CDH12: variants seen among roughly 807,000 people sequenced by gnomAD.
CDH12 encodes cadherin-12.
CDH12 carries 41 observed loss-of-function variants against 74.1 expected under a neutral mutation model. The observed-to-expected ratio is 0.55, with a 90% confidence interval of 0.43 to 0.72. CDH12 has a LOEUF of 0.72. Ranked by LOEUF, CDH12 falls within the 30% of genes least tolerant of loss-of-function variation. The probability of loss-of-function intolerance (pLI) is 0.00; values close to 1 mark genes in which losing one functional copy is unlikely to be tolerated. For missense variants in CDH12, 945 were observed against 977.2 expected (o/e 0.97, Z 0.44); for synonymous variants, 399 against 355.0 (o/e 1.12, Z -1.39).
chr5:22,706,135 C>T (rs925792748), intron 1 of CDH12, among the ~76,000 whole-genome samples: 18 of 152,070 alleles, frequency 1.2e-4, no homozygotes, highest in Admixed American at 5.2e-4. Flanking sequence ...TGGCTCTCAT[C>T]ACTTATTTCT....
chr5:21,790,288 T>C (rs1746417510), intron 10 of CDH12, among the ~76,000 whole-genome samples: 1 of 152,154 alleles, frequency 6.6e-6, no homozygotes, highest in Non-Finnish European at 1.5e-5. Context: ...AGTTTAAAAT[T>C]CAAAGACTTA....
chr5:21,778,614 C>T (rs1745737765), intron 11 of CDH12, among the ~76,000 whole-genome samples: 1 of 150,152 alleles, frequency 6.7e-6, no homozygotes, highest in South Asian at 2.1e-4. Flanking sequence ...TGACAGTTCA[C>T]TTAAATCTAA....
At chr5:22,102,377 G>A (rs114553709) in intron 4 of CDH12, among the ~76,000 whole-genome samples, 2 of 152,044 alleles carry the variant, frequency 1.3e-5, no homozygotes, top group South Asian at 2.1e-4. Context: ...TGTTGAAAAC[G>A]TAATCCCCTG....
At position 21,760,639 on chromosome 5, in the gene CDH12, A is replaced by G. The variant is rs1579649928; in HGVS notation, c.1552T>C (p.Ser518Pro). 1 of 1,609,544 alleles carries G rather than the reference A, an allele frequency of 6.2e-7. No homozygotes were observed. The highest frequency in any genetic ancestry group is 2.2e-5 in the East Asian group (1 of 44,706). ...AAGGAGAATTGTTGCCCAGCAGGTG[A>G]AAGATCTCGGTCTGCAGCACTGACT... ...QIVSAADRDL[S>P]PAGQQFSFRL... The change falls in exon 13 of 15, where the codon TCA becomes CCA. Residue 518 changes from serine (S) to proline (P), a missense_variant. Coordinates refer to ENST00000382254, the MANE Select transcript of CDH12 (RefSeq NM_004061.5).
chr5:22,413,032 A>G (rs1003128166), intron 2 of CDH12, among the ~76,000 whole-genome samples: 2 of 152,002 alleles, frequency 1.3e-5, no homozygotes, highest in Non-Finnish European at 2.9e-5. Flanking sequence ...TTCATTCACA[A>G]TAACTCTTGT....
At position 21,989,512 on chromosome 5, in the gene CDH12, C is replaced by T. The variant is rs191202175; in HGVS notation, c.232-14127G>A. ...TGACTAAAAGTAGATGACATCTTTC[C>T]CCAACCATGAGTCCTCAGGTTGTTA... On this transcript the variant is annotated intron_variant, in intron 5 of 14. Coordinates refer to ENST00000382254, the MANE Select transcript of CDH12 (RefSeq NM_004061.5). Among the ~76,000 whole-genome samples, 535 of 152,186 alleles carry T rather than the reference C, an allele frequency of 3.5e-3. 4 individuals are homozygous for T. The highest frequency in any genetic ancestry group is 0.012 in the African/African-American group (500 of 41,500).
At chr5:22,717,358 A>G (rs189142011) in intron 1 of CDH12, among the ~76,000 whole-genome samples, 25 of 152,320 alleles carry the variant, frequency 1.6e-4, no homozygotes, top group Admixed American at 9.8e-4. Flanking sequence ...AAAATCCTGC[A>G]TAGATCAGTA....
intron 5 of CDH12, among the ~76,000 whole-genome samples, chr5:22,051,505 C>T (rs1580172078): frequency 6.6e-6 from 1 of 152,192 alleles, no homozygotes; most frequent in South Asian, 2.1e-4. Flanking sequence ...ATCAATATGG[C>T]TAATTTCAAA....
At chr5:22,517,913 A>G (rs1736873688) in intron 1 of CDH12, among the ~76,000 whole-genome samples, 1 of 152,170 alleles carries the variant, frequency 6.6e-6, no homozygotes, top group African/African-American at 2.4e-5. Context: ...TAATACATTA[A>G]TGGATTACAA....
intron 6 of CDH12, among the ~76,000 whole-genome samples, chr5:21,958,135 C>A (rs189255981): frequency 2.3e-4 from 35 of 152,244 alleles, no homozygotes; most frequent in Admixed American, 6.5e-4. Flanking sequence ...CTCCTTCCTG[C>A]CGCTTTGTGA....
At position 22,030,331 on chromosome 5, in the gene CDH12, C is replaced by T. The variant is rs565532612; in HGVS notation, c.231+48115G>A. On this transcript the variant is annotated intron_variant, in intron 5 of 14. Coordinates refer to ENST00000382254, the MANE Select transcript of CDH12 (RefSeq NM_004061.5). ...TGAGACTTGAAAGTTGAAATTACTC[C>T]TTGATGCATGGACTGCAGAATGAAT... Among the ~76,000 whole-genome samples, 19 of 152,138 alleles carry T rather than the reference C, an allele frequency of 1.2e-4. No individual in the cohort carries two copies. The South Asian group carries it at 2.9e-3, about 23-fold the overall frequency.
chr5:22,287,595 C>A (rs940517944), intron 3 of CDH12, among the ~76,000 whole-genome samples: 1 of 151,442 alleles, frequency 6.6e-6, no homozygotes, highest in African/African-American at 2.4e-5. Context: ...CGGTGGCGGG[C>A]GCCTGTAGTC....
At chr5:22,076,161 C>T (rs1401217818) in intron 5 of CDH12, among the ~76,000 whole-genome samples, 1 of 152,010 alleles carries the variant, frequency 6.6e-6, no homozygotes, top group African/African-American at 2.4e-5. Context: ...CCTGTACCAG[C>T]GGAAATAATG....
intron 4 of CDH12, among the ~76,000 whole-genome samples, chr5:22,207,203 A>G (rs1751269543): frequency 6.9e-6 from 1 of 144,144 alleles, no homozygotes; most frequent in Admixed American, 7.2e-5. Flanking sequence ...TGGGCGACAG[A>G]GCAAGACTGT....
intron 3 of CDH12, among the ~76,000 whole-genome samples, chr5:22,384,652 A>G (rs1226909864): frequency 6.6e-6 from 1 of 152,172 alleles, no homozygotes; most frequent in Non-Finnish European, 1.5e-5. Flanking sequence ...AACAACAGCT[A>G]GACTATTAGA....
rs186960540 is a variant in CDH12 at position 22,522,031 on chromosome 5, G to C, written c.-522-16667C>G. ...TAATTAATGTGGTATGTCATTAAGC[G>C]TATCAGGAAAGTTTTATGTTTCTGA... On this transcript the variant is annotated intron_variant, in intron 1 of 14. Transcript: ENST00000382254. 3.9e-5 allele frequency among the ~76,000 whole-genome samples: 6 copies of C among 152,244 alleles called. No homozygotes were observed. The East Asian group carries it at 1.2e-3, about 29-fold the overall frequency.
chr5:22,293,680 T>C (rs1200047338), intron 3 of CDH12, among the ~76,000 whole-genome samples: 2 of 152,138 alleles, frequency 1.3e-5, no homozygotes, highest in East Asian at 3.9e-4. Flanking sequence ...AAAAGAATTC[T>C]GTCATTTGTG....
At chr5:22,702,267 G>A (rs1207333981) in intron 1 of CDH12, among the ~76,000 whole-genome samples, 1 of 152,108 alleles carries the variant, frequency 6.6e-6, no homozygotes, top group Non-Finnish European at 1.5e-5. Context: ...TTAGTTAGGA[G>A]GAGGCCTAGA....
chr5:22,160,384 C>T (rs1277947574), intron 4 of CDH12, among the ~76,000 whole-genome samples: 5 of 151,952 alleles, frequency 3.3e-5, no homozygotes, highest in Non-Finnish European at 2.9e-5. Context: ...TATTTACTGC[C>T]CTTGGTTCTC....
Sources: allele counts gnomAD v4.1 joint callset (sites outside exome capture counted in the v4.1 genomes callset), GRCh38; gene constraint gnomAD v4.1.1; transcripts MANE v1.5; gene names NCBI Gene and HGNC (gene_info 2026-07-23, HGNC 2026-07-21).